Variants in IGF2BP1 observed in about 807,000 individuals in gnomAD.
IGF2BP1 encodes the protein insulin-like growth factor 2 mRNA-binding protein 1.
Under a neutral mutation model 74.9 loss-of-function variants are expected in IGF2BP1, and 11 were observed. That is an observed-to-expected ratio of 0.15 (90% CI 0.09 to 0.24). The LOEUF (loss-of-function observed/expected upper bound fraction) is 0.24. IGF2BP1 is among the 10% of genes least tolerant of loss of function. The pLI is 1.00. For synonymous variants in IGF2BP1, 287 were observed against 281.8 expected, an observed-to-expected ratio of 1.02 and a Z score of -0.18; for missense variants, 440 against 757.4, an observed-to-expected ratio of 0.58 and a Z score of 4.92.
intron 2 of IGF2BP1, among the ~76,000 whole-genome samples, chr17:49,002,337 T>C (rs910994030): frequency 3.9e-5 from 6 of 152,178 alleles, no homozygotes; most frequent in East Asian, 1.9e-4. Flanking sequence ...AAATATATTT[T>C]AACAATGATT....
rs1390878354 is a variant in IGF2BP1, at chr17:49,052,642, T to G, written c.*3198T>G. 6.6e-6 allele frequency: 1 copy of G among 152,522 alleles called. No individual in the cohort carries two copies. The highest frequency in any genetic ancestry group is 1.5e-5 in the Non-Finnish European group (1 of 68,020). 9.4% of individuals were successfully genotyped at this position (152,522 alleles called of 1,614,324 possible). Reference sequence around the variant, plus strand: ...TTAAGGTTTAGTGGGATGAAGGACCTGTCTTGGTGGGCCGGGCCCTCTTGT... The same window carrying G: ...TTAAGGTTTAGTGGGATGAAGGACCGGTCTTGGTGGGCCGGGCCCTCTTGT... On this transcript the variant is annotated 3_prime_UTR_variant, in exon 15 of 15. Coordinates refer to ENST00000290341, the MANE Select transcript of IGF2BP1 (RefSeq NM_006546.4).
intron 12 of IGF2BP1, among the ~76,000 whole-genome samples, chr17:49,045,398 T>G (rs1024979029): frequency 2.6e-5 from 4 of 152,162 alleles, no homozygotes; most frequent in African/African-American, 9.7e-5. Flanking sequence ...AATCCTAAGG[T>G]TCTTGAACTT....
intron 2 of IGF2BP1, among the ~76,000 whole-genome samples, chr17:49,012,028 T>TA (rs1455325982): frequency 1.3e-5 from 2 of 151,666 alleles, no homozygotes; most frequent in Non-Finnish European, 2.9e-5. Context: ...TCTCCTGCCT[T>TA]AGCCTCCTGA....
chr17:49,032,427 G>A (rs1326223736), intron 5 of IGF2BP1, among the ~76,000 whole-genome samples: 1 of 151,212 alleles, frequency 6.6e-6, no homozygotes, highest in Non-Finnish European at 1.5e-5. Flanking sequence ...AGTGATGGTC[G>A]TAAACCTAGC....
intron 1 of IGF2BP1, among the ~76,000 whole-genome samples, chr17:48,998,451 C>T (rs1224647780): frequency 6.6e-6 from 1 of 152,258 alleles, no homozygotes; most frequent in African/African-American, 2.4e-5. Flanking sequence ...TTGCCTCCCG[C>T]CCAGGGCCTG....
At chr17:49,015,287 T>G (rs1396682468) in intron 2 of IGF2BP1, among the ~76,000 whole-genome samples, 1 of 152,168 alleles carries the variant, frequency 6.6e-6, no homozygotes, top group Non-Finnish European at 1.5e-5. Flanking sequence ...CCGTATGGCT[T>G]TTAAGCTTTC....
chr17:49,006,509 A>T (rs1267241065), intron 2 of IGF2BP1, among the ~76,000 whole-genome samples: 2 of 152,194 alleles, frequency 1.3e-5, no homozygotes. Flanking sequence ...GTAGATATTG[A>T]CTTCTGTCCC....
chr17:49,029,653 A>G (rs1237221198), intron 4 of IGF2BP1, among the ~76,000 whole-genome samples: 5 of 152,132 alleles, frequency 3.3e-5, no homozygotes, highest in Non-Finnish European at 7.4e-5. Context: ...TTAGAGACAG[A>G]GTCTAGCTCT....
intron 5 of IGF2BP1, chr17:49,036,840 T>G (rs2041995470): frequency 6.4e-6 from 1 of 155,310 alleles, no homozygotes; most frequent in South Asian, 2.0e-4. Context: ...TCCCAGCTAC[T>G]CGGGAGGCTG....
chr17:49,014,186 C>T (rs981398955), intron 2 of IGF2BP1, among the ~76,000 whole-genome samples: 1 of 151,700 alleles, frequency 6.6e-6, no homozygotes, highest in Non-Finnish European at 1.5e-5. Context: ...GCACTATCCC[C>T]GTTAGTGGTT....
rs1050396932 is a variant in IGF2BP1, at chr17:49,051,609, G to C, written c.*2165G>C. The C allele has an allele frequency of 1.3e-5, 2 of 152,200 alleles. No homozygotes were observed. The highest frequency in any genetic ancestry group is 4.8e-5 in the African/African-American group (2 of 41,446). 9.4% of individuals were successfully genotyped at this position (152,200 alleles called of 1,614,324 possible). On this transcript the variant is annotated 3_prime_UTR_variant, in exon 15 of 15. Coordinates refer to ENST00000290341, the MANE Select transcript of IGF2BP1 (RefSeq NM_006546.4). ...CTCTCTTTCCTCCTTTGGTTAAAGA[G>C]CATCTCAGCCAGCTTTTCCCACCAG...
At chr17:49,010,467 G>A (rs1485417120) in intron 2 of IGF2BP1, among the ~76,000 whole-genome samples, 2 of 151,316 alleles carry the variant, frequency 1.3e-5, no homozygotes, top group East Asian at 2.0e-4. Flanking sequence ...ACAGGCGCCC[G>A]CCACCACGCC....
intron 4 of IGF2BP1, among the ~76,000 whole-genome samples, chr17:49,028,475 C>T (rs2041882961): frequency 6.6e-6 from 1 of 152,196 alleles, no homozygotes; most frequent in African/African-American, 2.4e-5. Context: ...TACAACAGGA[C>T]TCACTGATAA....
intron 5 of IGF2BP1, chr17:49,036,983 CACAAGAAAGAATTGAGATCAA>C (rs1567824051): frequency 5.2e-6 from 1 of 193,682 alleles, no homozygotes; most frequent in Non-Finnish European, 1.1e-5. Context: ...AAGCAAAGGC[CACAAGAAAGAATTGAGATCAA>C]AGAGGAGTGT....
chr17:49,034,271 C>G (rs2041958188), intron 5 of IGF2BP1, among the ~76,000 whole-genome samples: 1 of 151,964 alleles, frequency 6.6e-6, no homozygotes, highest in African/African-American at 2.4e-5. Context: ...GTGTCTGCCA[C>G]CATGCCTGGC....
Position 49,043,928 on chromosome 17 carries a change from A to T in IGF2BP1, c.1201-39A>T, listed in dbSNP as rs146885453. 5 of 1,608,642 alleles carry T rather than the reference A, an allele frequency of 3.1e-6. No individual in the cohort carries two copies. The South Asian group carries it at 4.4e-5, about 14-fold the overall frequency. ...GAGTGGAGGGTTTCTGGGCCATGCT[A>T]CTTGGGCCCCCTGGTAACAACGCCT... On this transcript the variant is annotated intron_variant, in intron 10 of 14. Transcript: ENST00000290341.
At chr17:49,041,271 T>C in intron 7 of IGF2BP1, 107 bp from the exon 8 acceptor site, 1 of 1,195,926 alleles carries the variant, frequency 8.4e-7, no homozygotes, top group Non-Finnish European at 1.2e-6. Context: ...AGTTTTGAGA[T>C]GTTTTACTTG....
At chr17:49,039,717 G>A (rs936456707) in intron 6 of IGF2BP1, among the ~76,000 whole-genome samples, 7 of 152,140 alleles carry the variant, frequency 4.6e-5, no homozygotes, top group African/African-American at 9.7e-5. Context: ...GTGAGCTCCC[G>A]TGCCTGGCCA....
intron 2 of IGF2BP1, among the ~76,000 whole-genome samples, chr17:49,024,803 A>G (rs2041831950): frequency 6.6e-6 from 1 of 152,204 alleles, no homozygotes; most frequent in Admixed American, 6.5e-5. Flanking sequence ...TCAACCAGGC[A>G]TTTTGTCTCC....
Sources: gnomAD v4.1 joint callset for allele counts (sites outside exome capture counted in the v4.1 genomes callset) on GRCh38, gnomAD v4.1.1 for gene constraint, MANE v1.5 for transcripts, NCBI Gene and HGNC (gene_info 2026-07-23, HGNC 2026-07-21) for gene names.